Variants in JARID2 observed in about 807,000 individuals in gnomAD.
JARID2 encodes the protein protein Jumonji.
JARID2 carries 21 observed loss-of-function variants against 125.6 expected under a neutral mutation model. That is an observed-to-expected ratio of 0.17 (90% CI 0.12 to 0.24). JARID2 has a LOEUF of 0.24. JARID2 is among the 10% of genes least tolerant of loss of function. JARID2 has a pLI of 1.00. For synonymous variants in JARID2, 736 were observed against 661.6 expected, an observed-to-expected ratio of 1.11 and a Z score of -1.73; for missense variants, 1,303 against 1,639.6, an observed-to-expected ratio of 0.79 and a Z score of 3.55.
Position 15,305,300 on chromosome 6 carries a change from T to C in JARID2, c.45+58716T>C, listed in dbSNP as rs1002656235. 3.9e-5 allele frequency among the ~76,000 whole-genome samples: 6 copies of C among 152,040 alleles called. No individual in the cohort carries two copies. The East Asian group carries it at 7.8e-4, about 20-fold the overall frequency. ...ATGTAGCGTAATGCAGGATTTCTTA[T>C]TCAGAGAGCAACTCCGCTGTGGGCC... On this transcript the variant is annotated intron_variant, in intron 1 of 17. Transcript: ENST00000341776.
rs559879191 is a variant in JARID2, at chr6:15,389,371, C to CTG, written c.181+15120_181+15121dup. Among the ~76,000 whole-genome samples the CTG allele has an allele frequency of 1.9e-4, 29 of 152,276 alleles. No individual in the cohort carries two copies. In the East Asian group the frequency reaches 5.6e-3, roughly 29 times the overall value. Reference sequence around the variant, plus strand: ...ATGGGGTGTCACTGTATTGCCCAGGCTGGAACACTGTTATTTTTGATAGTC... The same window carrying CTG: ...ATGGGGTGTCACTGTATTGCCCAGGCTGTGGAACACTGTTATTTTTGATAGTC... On this transcript the variant is annotated intron_variant, in intron 2 of 17. Transcript: ENST00000341776.
intron 1 of JARID2, among the ~76,000 whole-genome samples, chr6:15,345,178 A>G (rs573016132): frequency 6.6e-6 from 1 of 152,164 alleles, no homozygotes; most frequent in Non-Finnish European, 1.5e-5. Context: ...CTGCTTATCT[A>G]TATATGTAGA....
At chr6:15,434,008 G>T (rs1004154275) in intron 3 of JARID2, among the ~76,000 whole-genome samples, 2 of 151,370 alleles carry the variant, frequency 1.3e-5, no homozygotes, top group African/African-American at 4.9e-5. Context: ...GTATGTGCCA[G>T]TGTACTTTAC....
intron 1 of JARID2, among the ~76,000 whole-genome samples, chr6:15,347,670 T>A (rs927072367): frequency 2.0e-5 from 3 of 152,192 alleles, no homozygotes; most frequent in Non-Finnish European, 4.4e-5. Context: ...ATTTCCACTT[T>A]GTGTATGTTG....
intron 2 of JARID2, among the ~76,000 whole-genome samples, chr6:15,395,289 A>G (rs945683224): frequency 1.3e-5 from 2 of 151,446 alleles, no homozygotes; most frequent in African/African-American, 4.9e-5. Context: ...CTTTGTTTCA[A>G]TGCTTTTTTG....
At chr6:15,499,244 C>T (rs970579380) in intron 7 of JARID2, among the ~76,000 whole-genome samples, 2 of 152,136 alleles carry the variant, frequency 1.3e-5, no homozygotes, top group African/African-American at 4.8e-5. Flanking sequence ...GCCTAAAATC[C>T]ACCCCAGCAG....
intron 1 of JARID2, among the ~76,000 whole-genome samples, chr6:15,366,366 C>T (rs1763974001): frequency 6.6e-6 from 1 of 151,658 alleles, no homozygotes; most frequent in Non-Finnish European, 1.5e-5. Context: ...TTGTTCAGAT[C>T]CACCATCCTT....
At chr6:15,424,790 C>T (rs1029622875) in intron 3 of JARID2, among the ~76,000 whole-genome samples, 1 of 152,074 alleles carries the variant, frequency 6.6e-6, no homozygotes, top group African/African-American at 2.4e-5. Context: ...ACCAAGGAGG[C>T]GGAGGTTGCG....
rs1278106584 is a variant in JARID2, at chr6:15,521,968, T to TTTAC, written c.*1720_*1723dup. 6.6e-6 allele frequency: 1 copy of TTTAC among 152,038 alleles called. No individual in the cohort carries two copies. The highest frequency in any genetic ancestry group is 1.5e-5 in the Non-Finnish European group (1 of 67,894). The allele number at this position is 152,038 out of a possible 1,614,324, so 9.4% of individuals were successfully genotyped here. A position where few individuals can be genotyped will look rare whatever the true frequency, so the allele number is the denominator to read the frequency against. On this transcript the variant is annotated 3_prime_UTR_variant, in exon 18 of 18. Transcript: ENST00000341776. ...CATGTGGTTTATTGCGAGTTTTTTG[T>TTTAC]TTACTTTTCAGGTTTGTACTACAAG... is the stretch of plus-strand genomic sequence containing the variant.
intron 6 of JARID2, among the ~76,000 whole-genome samples, chr6:15,489,986 T>A (rs1373855061): frequency 6.6e-6 from 1 of 152,228 alleles, no homozygotes; most frequent in Non-Finnish European, 1.5e-5. Context: ...ACTTGAGATG[T>A]GATATTTAAC....
intron 5 of JARID2, among the ~76,000 whole-genome samples, chr6:15,477,185 T>C (rs1027419016): frequency 6.6e-6 from 1 of 152,156 alleles, no homozygotes; most frequent in African/African-American, 2.4e-5. Context: ...CGGGGGCATG[T>C]TGTGTAAGGG....
chr6:15,518,304 G>GT (rs1370312679), intron 17 of JARID2, among the ~76,000 whole-genome samples: 2 of 152,206 alleles, frequency 1.3e-5, no homozygotes, highest in African/African-American at 4.8e-5. Flanking sequence ...CCAGCAGCCT[G>GT]TTTCTGTAGT....
At chr6:15,364,021 A>T (rs975848616) in intron 1 of JARID2, among the ~76,000 whole-genome samples, 1 of 152,158 alleles carries the variant, frequency 6.6e-6, no homozygotes, top group Non-Finnish European at 1.5e-5. Context: ...AGATAGACAA[A>T]AATAAACTGG....
At chr6:15,489,913 GCCCAGATGGGTTGA>G (rs1358250854) in intron 6 of JARID2, among the ~76,000 whole-genome samples, 3 of 152,176 alleles carry the variant, frequency 2.0e-5, no homozygotes, top group Non-Finnish European at 2.9e-5. Flanking sequence ...AGTCTAACCA[GCCCAGATGGGTTGA>G]CCCATGGCTC....
rs1771442028 is a variant in JARID2, at chr6:15,514,334, C to T, written c.3450+912C>T. On this transcript the variant is annotated intron_variant, in intron 16 of 17. Coordinates refer to ENST00000341776, the MANE Select transcript of JARID2 (RefSeq NM_004973.4). ...CATGCCCGAAGGGCCTGACCTGCCTCCCCGGGCCTCGTCCCTTTCCACAGT... is the reference window on the plus strand; with the variant it reads ...CATGCCCGAAGGGCCTGACCTGCCTTCCCGGGCCTCGTCCCTTTCCACAGT... Among the ~76,000 whole-genome samples the T allele has an allele frequency of 2.0e-5, 3 of 152,240 alleles. No individual in the cohort carries two copies. In the South Asian group the frequency reaches 6.2e-4, roughly 31 times the overall value.
intron 3 of JARID2, among the ~76,000 whole-genome samples, chr6:15,449,267 C>T (rs4715975): frequency 0.21 from 31,938 of 152,088 alleles, 3,792 homozygotes; most frequent in Middle Eastern, 0.35. Context: ...AAAAATAACA[C>T]TAGGGAATTT....
chr6:15,406,217 C>G (rs1347158980), intron 2 of JARID2, among the ~76,000 whole-genome samples: 2 of 152,160 alleles, frequency 1.3e-5, no homozygotes, highest in East Asian at 3.9e-4. Context: ...AGGTGTATCA[C>G]AAGGTCAAGA....
At chr6:15,473,497 T>TGTC (rs1769178908) in intron 5 of JARID2, among the ~76,000 whole-genome samples, 1 of 131,586 alleles carries the variant, frequency 7.6e-6, no homozygotes, top group Non-Finnish European at 1.6e-5. Flanking sequence ...TTGTCTCCCT[T>TGTC]GTCTTCTGAT....
At chr6:15,408,852 A>G (rs547436834) in intron 2 of JARID2, among the ~76,000 whole-genome samples, 1 of 152,338 alleles carries the variant, frequency 6.6e-6, no homozygotes, top group South Asian at 2.1e-4. Flanking sequence ...TTAGATTTCC[A>G]TACAGTTGTC....
Sources: gnomAD v4.1 joint callset for allele counts (sites outside exome capture counted in the v4.1 genomes callset) on GRCh38, gnomAD v4.1.1 for gene constraint, MANE v1.5 for transcripts, NCBI Gene and HGNC (gene_info 2026-07-23, HGNC 2026-07-21) for gene names.